Variants in AKAP19 observed in about 807,000 individuals in gnomAD.
The protein encoded by AKAP19 is small A-kinase anchoring protein.
At chr2:190,134,838 T>A in the AKAP19 span, among the ~76,000 whole-genome samples, 7 of 152,198 alleles carry the variant, frequency 4.6e-5, no homozygotes, top group East Asian at 1.3e-3. Flanking sequence ...TTGCTTACAG[T>A]TGTTTATAAA....
At chr2:190,135,520 A>G in the AKAP19 span, among the ~76,000 whole-genome samples, 1 of 152,162 alleles carries the variant, frequency 6.6e-6, no homozygotes, top group Non-Finnish European at 1.5e-5. Flanking sequence ...GGGGTTGGCC[A>G]AATAATGTGT....
At chr2:190,084,108 T>TC in the AKAP19 span, among the ~76,000 whole-genome samples, 1 of 151,156 alleles carries the variant, frequency 6.6e-6, no homozygotes, top group Non-Finnish European at 1.5e-5. Flanking sequence ...TTTTTTTTTT[T>TC]CTGAGACAGA....
chr2:190,032,972 G>A, the AKAP19 span, among the ~76,000 whole-genome samples: 17 of 151,988 alleles, frequency 1.1e-4, no homozygotes, highest in Non-Finnish European at 4.4e-5. Context: ...ATGTACAAGC[G>A]AGTCAGAAAT....
chr2:189,884,217 T>C, the AKAP19 span, among the ~76,000 whole-genome samples: 1 of 152,150 alleles, frequency 6.6e-6, no homozygotes, highest in South Asian at 2.1e-4. Context: ...TCATGTTCTT[T>C]CTTTACAGAG....
the AKAP19 span, among the ~76,000 whole-genome samples, chr2:190,014,035 T>A: frequency 6.6e-6 from 1 of 152,226 alleles, no homozygotes; most frequent in Non-Finnish European, 1.5e-5. Context: ...TTTGAGATCG[T>A]CTTTTTTTAT....
the AKAP19 span, among the ~76,000 whole-genome samples, chr2:190,192,053 A>G: frequency 6.6e-6 from 1 of 151,918 alleles, no homozygotes; most frequent in Non-Finnish European, 1.5e-5. Context: ...CAAGATCGCA[A>G]ATGTTTTGTC....
chr2:189,942,310 C>T, the AKAP19 span, among the ~76,000 whole-genome samples: 1 of 152,118 alleles, frequency 6.6e-6, no homozygotes, highest in Non-Finnish European at 1.5e-5. Context: ...CGTGATATGC[C>T]TGCTCTCCCT....
chr2:190,050,976 G>A, the AKAP19 span, among the ~76,000 whole-genome samples: 10 of 152,142 alleles, frequency 6.6e-5, no homozygotes, highest in Non-Finnish European at 1.5e-4. Flanking sequence ...AGTGGTTCCC[G>A]ATGATGTTGC....
At chr2:189,886,713 C>T in the AKAP19 span, among the ~76,000 whole-genome samples, 9,884 of 152,130 alleles carry the variant, frequency 0.065, 471 homozygotes, top group African/African-American at 0.14. Flanking sequence ...TTTTTTGTTT[C>T]TTAATTAGAA....
the AKAP19 span, among the ~76,000 whole-genome samples, chr2:189,889,565 T>C: frequency 0.031 from 4,649 of 152,254 alleles, 240 homozygotes; most frequent in African/African-American, 0.11. Flanking sequence ...TCCTGGGCTT[T>C]TTTTGGTTGG....
At chr2:190,153,220 G>A in the AKAP19 span, among the ~76,000 whole-genome samples, 20 of 152,042 alleles carry the variant, frequency 1.3e-4, no homozygotes, top group African/African-American at 4.6e-4. Context: ...CTAAGTCATT[G>A]TTTACATATA....
chr2:190,111,740 G>C, the AKAP19 span, among the ~76,000 whole-genome samples: 2 of 151,912 alleles, frequency 1.3e-5, no homozygotes, highest in African/African-American at 4.8e-5. Context: ...CTGGGGTTGG[G>C]GGGGAAAGAA....
chr2:190,133,409 A>T, the AKAP19 span, among the ~76,000 whole-genome samples: 1 of 152,150 alleles, frequency 6.6e-6, no homozygotes, highest in African/African-American at 2.4e-5. Flanking sequence ...ACCTATTAGG[A>T]TGGCTATTAT....
chr2:189,957,367 T>C, the AKAP19 span, among the ~76,000 whole-genome samples: 4 of 152,244 alleles, frequency 2.6e-5, no homozygotes, highest in African/African-American at 4.8e-5. Flanking sequence ...TATTAACTTA[T>C]ATTTTGCAGA....
the AKAP19 span, among the ~76,000 whole-genome samples, chr2:189,909,315 A>ACT: frequency 0.94 from 142,331 of 151,870 alleles, 66,816 homozygotes; most frequent in East Asian, 0.98. Flanking sequence ...AATTTCAGTC[A>ACT]CTGTATCTTT....
At chr2:189,971,212 C>T in the AKAP19 span, among the ~76,000 whole-genome samples, 1 of 152,146 alleles carries the variant, frequency 6.6e-6, no homozygotes, top group Non-Finnish European at 1.5e-5. Context: ...CAATTCCCAC[C>T]TATGAGTGAG....
At chr2:190,025,357 A>T in the AKAP19 span, among the ~76,000 whole-genome samples, 371 of 152,206 alleles carry the variant, frequency 2.4e-3, 2 homozygotes, top group Non-Finnish European at 4.3e-4. Flanking sequence ...CCCATTCTCC[A>T]TCCCCCCACA....
chr2:190,191,242 A>G, the AKAP19 span, among the ~76,000 whole-genome samples: 2 of 152,082 alleles, frequency 1.3e-5, no homozygotes, highest in African/African-American at 4.8e-5. Flanking sequence ...TCCTGGATTC[A>G]GGTGATTCTC....
At chr2:190,137,324 A>C in the AKAP19 span, among the ~76,000 whole-genome samples, 1 of 152,206 alleles carries the variant, frequency 6.6e-6, no homozygotes, top group Admixed American at 6.5e-5. Flanking sequence ...CTGTCTACCT[A>C]AATATTTTTT....
Sources: allele counts gnomAD v4.1 joint callset (sites outside exome capture counted in the v4.1 genomes callset), GRCh38; gene constraint gnomAD v4.1.1; transcripts MANE v1.5; gene names NCBI Gene and HGNC (gene_info 2026-07-23, HGNC 2026-07-21).